The following SUGCT variants were observed in gnomAD, a reference collection of about 807,000 sequenced individuals.
The protein encoded by SUGCT is succinyl-CoA:glutarate-CoA transferase.
SUGCT carries 41 observed loss-of-function variants against 55.0 expected under a neutral mutation model. The ratio of observed to expected loss-of-function variants is 0.74; its 90% CI spans 0.58 to 0.97. SUGCT has a LOEUF of 0.97. SUGCT is among the 50% of genes least tolerant of loss of function. The pLI is 0.00. For synonymous variants in SUGCT, 187 were observed against 200.4 expected (o/e 0.93, Z 0.56); for missense variants, 568 against 547.8 (o/e 1.04, Z -0.37).
At chr7:40,427,702 C>A (rs1787662960) in intron 9 of SUGCT, among the ~76,000 whole-genome samples, 1 of 152,012 alleles carries the variant, frequency 6.6e-6, no homozygotes, top group South Asian at 2.1e-4. Context: ...GCCAGGGGCT[C>A]ACTGGGAGGA....
intron 12 of SUGCT, among the ~76,000 whole-genome samples, chr7:40,725,353 T>A (rs1262152420): frequency 6.6e-6 from 1 of 152,220 alleles, no homozygotes; most frequent in Non-Finnish European, 1.5e-5. Flanking sequence ...AGTATACTTT[T>A]ATGGTATGCA....
intron 13 of SUGCT, among the ~76,000 whole-genome samples, chr7:40,854,416 TTTCCTTTCTTTC>T (rs1381244629): frequency 3.4e-5 from 2 of 59,446 alleles, no homozygotes; most frequent in African/African-American, 5.5e-5. Flanking sequence ...TCTTTCTTTC[TTTCCTTTCTTTC>T]TTTCTTTCTT....
intron 1 of SUGCT, among the ~76,000 whole-genome samples, chr7:40,161,701 C>T (rs1784157393): frequency 6.6e-6 from 1 of 152,134 alleles, no homozygotes; most frequent in African/African-American, 2.4e-5. Flanking sequence ...GATCATTTCC[C>T]CTCCAGTTTC....
intron 9 of SUGCT, among the ~76,000 whole-genome samples, chr7:40,381,002 T>C (rs1245742812): frequency 1.3e-5 from 2 of 152,202 alleles, no homozygotes; most frequent in Non-Finnish European, 2.9e-5. Flanking sequence ...TCTGTGACCA[T>C]ACCTAGTTTG....
chr7:40,450,729 G>A (rs1789143385), intron 10 of SUGCT, among the ~76,000 whole-genome samples: 1 of 151,734 alleles, frequency 6.6e-6, no homozygotes, highest in Non-Finnish European at 1.5e-5. Flanking sequence ...AGCCGAGATT[G>A]CGCCACTGCA....
At chr7:40,141,563 G>A (rs765342110) in intron 1 of SUGCT, among the ~76,000 whole-genome samples, 8 of 151,508 alleles carry the variant, frequency 5.3e-5, no homozygotes, top group Non-Finnish European at 1.0e-4. Context: ...GAACCCAGGA[G>A]TGGGAGGCTG....
chr7:40,587,655 A>G (rs1797462963), intron 12 of SUGCT, among the ~76,000 whole-genome samples: 1 of 152,210 alleles, frequency 6.6e-6, no homozygotes, highest in Non-Finnish European at 1.5e-5. Context: ...TTTAATTAAC[A>G]TGATTGGTAA....
At chr7:40,870,392 A>G in the SUGCT span, among the ~76,000 whole-genome samples, 1 of 151,976 alleles carries the variant, frequency 6.6e-6, no homozygotes, top group African/African-American at 2.4e-5. Context: ...CCTCCTTTAC[A>G]TGATCTTCTG....
intron 6 of SUGCT, among the ~76,000 whole-genome samples, chr7:40,206,249 A>T (rs1041198910): frequency 1.3e-5 from 2 of 152,206 alleles, no homozygotes; most frequent in Non-Finnish European, 2.9e-5. Flanking sequence ...ATAAGAAAAA[A>T]ATTTTATACT....
At chr7:40,749,564 C>A in intron 13 of SUGCT, 67 bp downstream of exon 13, 1 of 1,288,020 alleles carries the variant, frequency 7.8e-7, no homozygotes, top group Non-Finnish European at 1.1e-6. Flanking sequence ...CTGTTTACTA[C>A]AGGTAGCTTA....
chr7:40,878,976 T>C, the SUGCT span, among the ~76,000 whole-genome samples: 3 of 151,962 alleles, frequency 2.0e-5, 1 homozygote, highest in African/African-American at 7.3e-5. Context: ...GTGTTTTTAA[T>C]AGAGACAGGG....
the SUGCT span, among the ~76,000 whole-genome samples, chr7:41,007,154 T>TA: frequency 1.3e-5 from 2 of 152,184 alleles, no homozygotes; most frequent in African/African-American, 4.8e-5. Context: ...AAATATATTT[T>TA]ATTTCCATTT....
At chr7:40,720,174 G>A (rs1393565501) in intron 12 of SUGCT, among the ~76,000 whole-genome samples, 1 of 152,130 alleles carries the variant, frequency 6.6e-6, no homozygotes, top group Non-Finnish European at 1.5e-5. Flanking sequence ...AACCTCATGT[G>A]ATTTTAGAGT....
At chr7:40,952,101 G>C in the SUGCT span, among the ~76,000 whole-genome samples, 8 of 152,210 alleles carry the variant, frequency 5.3e-5, no homozygotes, top group East Asian at 1.5e-3. Context: ...TCTCTTTGTA[G>C]GTCTCTAAGG....
intron 13 of SUGCT, among the ~76,000 whole-genome samples, chr7:40,766,303 C>T (rs562820736): frequency 1.5e-3 from 230 of 152,204 alleles, no homozygotes; most frequent in African/African-American, 5.2e-3. Flanking sequence ...CTCTGCCTCC[C>T]GGGTTCAAGC....
chr7:40,151,083 C>CA (rs1338355025), intron 1 of SUGCT, among the ~76,000 whole-genome samples: 1 of 151,756 alleles, frequency 6.6e-6, no homozygotes, highest in African/African-American at 2.4e-5. Flanking sequence ...AAAATACACA[C>CA]AAAAAAATTA....
chr7:40,554,203 A>G (rs1416856291), intron 12 of SUGCT, among the ~76,000 whole-genome samples: 2 of 152,228 alleles, frequency 1.3e-5, no homozygotes, highest in African/African-American at 2.4e-5. Context: ...AATACTTGAT[A>G]TTAATGTTAA....
chr7:40,402,729 C>T (rs1381120342), intron 9 of SUGCT, among the ~76,000 whole-genome samples: 5 of 152,100 alleles, frequency 3.3e-5, no homozygotes, highest in Admixed American at 3.3e-4. Context: ...AAATGTCTGT[C>T]TCTCTCTCAG....
At chr7:40,686,225 A>G (rs997001470) in intron 12 of SUGCT, among the ~76,000 whole-genome samples, 8 of 152,126 alleles carry the variant, frequency 5.3e-5, no homozygotes, top group African/African-American at 1.9e-4. Flanking sequence ...GGTTAGAAGC[A>G]TGAGCTCTGG....
Sources: allele counts gnomAD v4.1 joint callset (sites outside exome capture counted in the v4.1 genomes callset), GRCh38; gene constraint gnomAD v4.1.1; transcripts MANE v1.5; gene names NCBI Gene and HGNC (gene_info 2026-07-23, HGNC 2026-07-21).